The following NDST4 variants were observed in gnomAD, a reference collection of about 807,000 sequenced individuals.
The protein encoded by NDST4 is N-deacetylase and N-sulfotransferase 4, also known as N-heparan sulfate sulfotransferase 4.
Under a neutral mutation model 100.8 loss-of-function variants are expected in NDST4, and 63 were observed. The observed-to-expected ratio is 0.62, with a 90% CI of 0.51 to 0.77. NDST4 has a LOEUF of 0.77. Among genes scored for constraint, NDST4 ranks in the 30% least tolerant of loss-of-function variants. NDST4 has a pLI of 0.00. For missense variants in NDST4, 943 were observed against 1,018.4 expected (o/e 0.93, Z 1.01); for synonymous variants, 377 against 361.8 (o/e 1.04, Z -0.48).
chr4:114,976,238 C>A (rs1245025587), intron 3 of NDST4, among the ~76,000 whole-genome samples: 5 of 151,982 alleles, frequency 3.3e-5, no homozygotes, highest in Non-Finnish European at 7.4e-5. Context: ...TACATGGATA[C>A]AGAATAAATA....
chr4:114,957,045 AC>A (rs1726156996), intron 4 of NDST4, among the ~76,000 whole-genome samples: 1 of 152,222 alleles, frequency 6.6e-6, no homozygotes, highest in South Asian at 2.1e-4. Context: ...GAAGACATAG[AC>A]AAAGGTATGA....
intron 4 of NDST4, among the ~76,000 whole-genome samples, chr4:114,962,383 G>A (rs1360255153): frequency 6.6e-6 from 1 of 151,956 alleles, no homozygotes; most frequent in Non-Finnish European, 1.5e-5. Flanking sequence ...ATTTGCACAT[G>A]ACATAATCTT....
In NDST4 at chr4:115,111,079, G is replaced by T. The variant is rs758648242; in HGVS notation, c.-247+2365C>A. On this transcript the variant is annotated intron_variant, in intron 1 of 13. Coordinates refer to ENST00000264363, the MANE Select transcript of NDST4 (RefSeq NM_022569.3). ...GCTTCTCTCTTCTCCCTTAGTAATTGCTTGTAAATGATGCACACAAAGTTT... is the reference window on the plus strand; with the variant it reads ...GCTTCTCTCTTCTCCCTTAGTAATTTCTTGTAAATGATGCACACAAAGTTT... 6.3e-4 allele frequency among the ~76,000 whole-genome samples: 95 copies of T among 152,000 alleles called. 2 individuals carry two copies. The highest frequency in any genetic ancestry group is 2.0e-3 in the Admixed American group (31 of 15,222).
chr4:115,082,890 T>C (rs1208008511), intron 1 of NDST4, among the ~76,000 whole-genome samples: 1 of 152,176 alleles, frequency 6.6e-6, no homozygotes, highest in Non-Finnish European at 1.5e-5. Flanking sequence ...TTTTAAAAGT[T>C]CAGCTATTCA....
rs184200256 is a variant in NDST4, at chr4:114,865,678, G to C, written c.1719+5090C>G. ...TATTGCCACTTTATTTTATTTTCAA[G>C]GGAGCTATCTGCAAGTAATTTTTTT... On this transcript the variant is annotated intron_variant, in intron 7 of 13. Coordinates refer to ENST00000264363, the MANE Select transcript of NDST4 (RefSeq NM_022569.3). Among the ~76,000 whole-genome samples the C allele has an allele frequency of 2.2e-3, 323 of 149,942 alleles. 1 individual carries two copies. Among genetic ancestry groups the C allele is most frequent in the African/African-American group, 7.6e-3 (303 of 39,662 alleles).
At chr4:114,947,733 T>C (rs571005159) in intron 4 of NDST4, among the ~76,000 whole-genome samples, 1 of 150,350 alleles carries the variant, frequency 6.7e-6, no homozygotes, top group African/African-American at 2.5e-5. Context: ...ATTATGATTT[T>C]CTATAATTTT....
intron 2 of NDST4, among the ~76,000 whole-genome samples, chr4:115,018,819 C>A (rs1198564557): frequency 6.6e-6 from 1 of 151,790 alleles, no homozygotes; most frequent in Non-Finnish European, 1.5e-5. Flanking sequence ...AATATCAATA[C>A]AATAAAAAAT....
chr4:114,933,619 T>A (rs893840818), intron 6 of NDST4, among the ~76,000 whole-genome samples: 10 of 151,944 alleles, frequency 6.6e-5, no homozygotes, highest in African/African-American at 2.4e-4. Flanking sequence ...AAATGCTTAA[T>A]ATCCAAAATA....
In NDST4 at chr4:115,076,403, T is replaced by G; in HGVS notation, c.634A>C (p.Lys212Gln). Reference protein sequence around the residue: ...LHITKAPKVEKGPLPGEDWTI... With the variant: ...LHITKAPKVEQGPLPGEDWTI... ...CAGTCTTCCCCAGGAAGAGGGCCTT[T>G]CTCAACCTTGGGGGCTTTGGTAATA... Residue 212 changes from lysine (K) to glutamine (Q), a missense_variant, in exon 2 of 14, where the codon AAA becomes CAA. Around this residue, in one of 2 missense-constraint regions of NDST4, gnomAD observed 417 missense variants for 384.2 expected, o/e 1.09. Coordinates refer to ENST00000264363, the MANE Select transcript of NDST4 (RefSeq NM_022569.3). 1 of 1,613,998 alleles carries G rather than the reference T, an allele frequency of 6.2e-7. No homozygotes were observed. Among genetic ancestry groups the G allele is most frequent in the African/African-American group, 1.3e-5 (1 of 75,048 alleles).
chr4:114,955,581 A>G (rs1726119653), intron 4 of NDST4, among the ~76,000 whole-genome samples: 1 of 152,238 alleles, frequency 6.6e-6, no homozygotes, highest in South Asian at 2.1e-4. Context: ...TGCTGCTGCC[A>G]TAAATTAGTC....
At chr4:114,835,457 T>G (rs991669253) in intron 11 of NDST4, among the ~76,000 whole-genome samples, 1 of 152,230 alleles carries the variant, frequency 6.6e-6, no homozygotes, top group Non-Finnish European at 1.5e-5. Flanking sequence ...TGAGTTCTAA[T>G]TTGATTGCAC....
chr4:114,997,908 T>C (rs1360619429), intron 2 of NDST4, among the ~76,000 whole-genome samples: 1 of 152,070 alleles, frequency 6.6e-6, no homozygotes. Context: ...AACTTGCATC[T>C]TTTTGAAGAG....
chr4:115,097,127 T>C (rs1207997813), intron 1 of NDST4, among the ~76,000 whole-genome samples: 1 of 152,100 alleles, frequency 6.6e-6, no homozygotes, highest in African/African-American at 2.4e-5. Flanking sequence ...TATTCTTTAC[T>C]CTTCTACTCT....
intron 4 of NDST4, among the ~76,000 whole-genome samples, chr4:114,944,078 A>C (rs1317788373): frequency 2.0e-5 from 3 of 152,182 alleles, no homozygotes; most frequent in Non-Finnish European, 4.4e-5. Context: ...GAGGTGGAGC[A>C]GAGCTAAAAT....
intron 2 of NDST4, among the ~76,000 whole-genome samples, chr4:114,981,022 G>T (rs1012431272): frequency 1.3e-5 from 2 of 152,140 alleles, no homozygotes; most frequent in South Asian, 4.1e-4. Flanking sequence ...AGCCAGCCTG[G>T]GCAACATGGT....
At chr4:114,971,975 A>G (rs529797757) in intron 3 of NDST4, among the ~76,000 whole-genome samples, 1 of 152,146 alleles carries the variant, frequency 6.6e-6, no homozygotes, top group East Asian at 1.9e-4. Context: ...GATGAGATTA[A>G]TTTATTAAAG....
chr4:115,000,248 G>T (rs1402932461), intron 2 of NDST4, among the ~76,000 whole-genome samples: 1 of 151,180 alleles, frequency 6.6e-6, no homozygotes, highest in Non-Finnish European at 1.5e-5. Flanking sequence ...GATGAAATGA[G>T]GGTAAAGTTA....
chr4:114,952,942 T>C (rs1467385176), intron 4 of NDST4, among the ~76,000 whole-genome samples: 1 of 152,046 alleles, frequency 6.6e-6, no homozygotes, highest in Non-Finnish European at 1.5e-5. Context: ...CATTCATTCA[T>C]ATGTTACTTT....
At chr4:114,904,089 G>C (rs1724900519) in intron 6 of NDST4, among the ~76,000 whole-genome samples, 1 of 151,922 alleles carries the variant, frequency 6.6e-6, no homozygotes, top group Non-Finnish European at 1.5e-5. Context: ...TTTCATTAAT[G>C]CAGTTATTAG....
Sources: allele counts gnomAD v4.1 joint callset (sites outside exome capture counted in the v4.1 genomes callset), GRCh38; gene constraint gnomAD v4.1.1; regional missense constraint gnomAD v4.1.1; transcripts MANE v1.5; gene names NCBI Gene and HGNC (gene_info 2026-07-23, HGNC 2026-07-21).